Variants in PFKL observed in about 807,000 individuals in gnomAD.
PFKL encodes the protein ATP-dependent 6-phosphofructokinase, liver type.
In PFKL, 74 loss-of-function variants were observed where a neutral mutation model predicts 92.1. The observed-to-expected ratio is 0.80, with a 90% confidence interval of 0.67 to 0.97. PFKL has a LOEUF of 0.97. Ranked by LOEUF, PFKL falls within the 50% of genes least tolerant of loss-of-function variation. The pLI is 0.00. For synonymous variants in PFKL, 494 were observed against 456.4 expected (o/e 1.08, Z -1.05); for missense variants, 1,028 against 1,116.6 (o/e 0.92, Z 1.13).
At chr21:44,307,398 C>T (rs1180363175) in intron 2 of PFKL, 2 of 648,432 alleles carry the variant, frequency 3.1e-6, no homozygotes, top group South Asian at 6.8e-5. Context: ...TGGGCCACAC[C>T]ACGCACTCAC....
At chr21:44,311,334 GCACA>G (rs1252242285) in intron 3 of PFKL, among the ~76,000 whole-genome samples, 1 of 143,310 alleles carries the variant, frequency 7.0e-6, no homozygotes, top group Non-Finnish European at 1.5e-5. Flanking sequence ...ACACAGACAT[GCACA>G]CATACAGACA....
At chr21:44,325,889 G>A (rs1358722515) in intron 19 of PFKL, 72 bp from the exon 20 acceptor site, 12 of 1,129,696 alleles carry the variant, frequency 1.1e-5, no homozygotes, top group South Asian at 1.3e-5. Context: ...TGGGGATCCT[G>A]TCTGCACTGG....
chr21:44,319,823 A>G, intron 11 of PFKL: 1 of 512,390 alleles, frequency 2.0e-6, no homozygotes, highest in South Asian at 2.5e-5. Context: ...ACCCGCTACC[A>G]AGGTGGCCAA....
intron 12 of PFKL, 151 bp downstream of exon 12, chr21:44,320,298 C>A: frequency 1.7e-6 from 1 of 589,480 alleles, no homozygotes; most frequent in South Asian, 2.2e-5. Flanking sequence ...CTGACCTCTG[C>A]CTGGGCTCAG....
intron 1 of PFKL, among the ~76,000 whole-genome samples, chr21:44,302,156 G>A (rs1185631696): frequency 3.3e-5 from 5 of 152,240 alleles, no homozygotes; most frequent in African/African-American, 1.2e-4. Flanking sequence ...GGCTGCAGCT[G>A]GGAGGGTGCC....
chr21:44,310,781 G>A (rs1380560533), intron 2 of PFKL, among the ~76,000 whole-genome samples: 1 of 152,074 alleles, frequency 6.6e-6, no homozygotes, highest in African/African-American at 2.4e-5. Context: ...TGCCACAGGA[G>A]TCACGCCCCG....
At chr21:44,303,441 A>AAAAAAAGACTTGATCT (rs1555874959) in intron 1 of PFKL, among the ~76,000 whole-genome samples, 2 of 97,134 alleles carry the variant, frequency 2.1e-5, no homozygotes, top group Non-Finnish European at 3.8e-5. Context: ...ACCAAAAAAA[A>AAAAAAAGACTTGATCT]AAAAAAAAAA....
intron 1 of PFKL, among the ~76,000 whole-genome samples, chr21:44,303,027 G>A (rs1239656460): frequency 6.6e-6 from 1 of 152,170 alleles, no homozygotes; most frequent in Non-Finnish European, 1.5e-5. Flanking sequence ...GAGGTTAGGA[G>A]TTCAAGACCA....
At chr21:44,317,261 G>C (rs1343470303) in intron 9 of PFKL, among the ~76,000 whole-genome samples, 2 of 152,222 alleles carry the variant, frequency 1.3e-5, no homozygotes, top group Admixed American at 6.5e-5. Context: ...GGGAGACCAG[G>C]TGACTGCGCC....
Position 44,316,315 on chromosome 21 carries a change from C to T in PFKL, c.819C>T (p.Pro273=). The change falls in exon 8 of 22, where the codon CCC becomes CCT. Residue 273 remains proline, a synonymous_variant. Coordinates refer to ENST00000349048, the MANE Select transcript of PFKL (RefSeq NM_002626.6). ...AEGAIDRNGK[P]ISSSYVKDLV... is the part of the protein sequence containing the mutation. The stretch of plus-strand genomic sequence containing the variant: ...GTGCCATTGACCGCAACGGGAAGCC[C>T]ATCTCGTCCAGCTACGTGAAGGACG... 2 of 1,613,304 alleles carry T rather than the reference C, an allele frequency of 1.2e-6. No individual in the cohort carries two copies. Among genetic ancestry groups the T allele is most frequent in the Non-Finnish European group, 1.7e-6 (2 of 1,179,972 alleles).
At position 44,325,215 on chromosome 21, in the gene PFKL, G is replaced by T; in HGVS notation, c.1940G>T (p.Gly647Val). 6.2e-7 allele frequency: 1 copy of T among 1,613,310 alleles called. No homozygotes were observed. Among genetic ancestry groups the T allele is most frequent in the Non-Finnish European group, 8.5e-7 (1 of 1,179,840 alleles). Residue 647 changes from glycine to valine, a missense_variant, in exon 19 of 22, where the codon GGC (glycine) becomes GTC (valine). Transcript: ENST00000349048. ...EFLYNLYSSE[G>V]KGVFDCRTNV... The stretch of plus-strand genomic sequence containing the variant: ...CTGTACAACCTGTACTCATCAGAGG[G>T]CAAGGGCGTCTTCGACTGCAGGACC...
intron 9 of PFKL, 146 bp downstream of exon 9, chr21:44,316,670 ATG>A (rs2047216361): frequency 8.0e-6 from 5 of 624,428 alleles, no homozygotes; most frequent in Non-Finnish European, 1.4e-5. Flanking sequence ...GTGGGGGTGT[ATG>A]TGTGGGGGAC....
chr21:44,323,118 G>T lies in PFKL; in HGVS notation c.1497+69G>T, dbSNP rs952514914. 3.8e-6 allele frequency: 5 copies of T among 1,310,922 alleles called. No homozygotes were observed. The African/African-American group carries it at 4.4e-5, about 11-fold the overall frequency. 81.2% of individuals were successfully genotyped at this position (1,310,922 alleles called of 1,614,324 possible). The stretch of plus-strand genomic sequence containing the variant: ...CCCAAGGTGTCCTCCCGCCGAGGGG[G>T]CCCATCCTGAAAACCCGTGTGCTGG... On this transcript the variant is annotated intron_variant, in intron 15 of 21. Transcript: ENST00000349048.
chr21:44,310,884 G>A (rs1165727375), intron 2 of PFKL, 122 bp from the exon 3 acceptor site: 1 of 692,198 alleles, frequency 1.4e-6, no homozygotes, highest in South Asian at 1.7e-5. Context: ...TGATGGTGGG[G>A]CCTCACAGTC....
chr21:44,316,826 C>T (rs957566809), intron 9 of PFKL, among the ~76,000 whole-genome samples: 52 of 152,146 alleles, frequency 3.4e-4, no homozygotes, highest in African/African-American at 1.3e-3. Flanking sequence ...CCTGGCTTCT[C>T]CGTTCCCCTG....
chr21:44,313,739 G>A, intron 6 of PFKL, 57 bp downstream of exon 6: 1 of 1,529,858 alleles, frequency 6.5e-7, no homozygotes, highest in Non-Finnish European at 8.9e-7. Flanking sequence ...GGACCGCAGT[G>A]ACAGGTGTGG....
At chr21:44,306,617 G>GC (rs2040952925) in intron 1 of PFKL, 64 bp from the exon 2 acceptor site, 1 of 1,356,440 alleles carries the variant, frequency 7.4e-7, no homozygotes, top group Non-Finnish European at 9.9e-7. Flanking sequence ...CCTCTGAGAT[G>GC]GGGAGGGTGT....
intron 17 of PFKL, 37 bp from the exon 18 acceptor site, chr21:44,324,819 C>T (rs763047704): frequency 5.6e-6 from 9 of 1,597,638 alleles, no homozygotes; most frequent in Middle Eastern, 3.3e-4. Context: ...TCCCTCCCCA[C>T]AGTCCTCCGG....
At chr21:44,323,707 TCCCCGGCCCA>T (rs2047418872) in intron 15 of PFKL, 49 bp from the exon 16 acceptor site, 1 of 1,550,312 alleles carries the variant, frequency 6.5e-7, no homozygotes, top group Non-Finnish European at 8.7e-7. Flanking sequence ...GCAGAGCCTG[TCCCCGGCCCA>T]CCCTGGCCTC....
Sources: gnomAD v4.1 joint callset for allele counts (sites outside exome capture counted in the v4.1 genomes callset) on GRCh38, gnomAD v4.1.1 for gene constraint, MANE v1.5 for transcripts, NCBI Gene and HGNC (gene_info 2026-07-23, HGNC 2026-07-21) for gene names.